The following EFR3B variants were observed in gnomAD, a reference collection of about 807,000 sequenced individuals.
The protein encoded by EFR3B is protein EFR3 homolog B.
In EFR3B, 64 loss-of-function variants were observed where a neutral mutation model predicts 104.7. The ratio of observed to expected loss-of-function variants is 0.61; its 90% confidence interval spans 0.50 to 0.75. The LOEUF is 0.75. EFR3B is among the 30% of genes least tolerant of loss of function. The pLI is 0.00. For missense variants in EFR3B, 750 were observed against 1,078.5 expected, an observed-to-expected ratio of 0.70 and a Z score of 4.27; for synonymous variants, 385 against 417.9, an observed-to-expected ratio of 0.92 and a Z score of 0.96.
At chr2:25,141,157 C>T (rs1670655947) in intron 16 of EFR3B, among the ~76,000 whole-genome samples, 2 of 152,090 alleles carry the variant, frequency 1.3e-5, no homozygotes, top group South Asian at 4.1e-4. Context: ...CATTGATGGC[C>T]ATGGCCTGAG....
intron 1 of EFR3B, among the ~76,000 whole-genome samples, chr2:25,078,567 C>A (rs1404584322): frequency 6.6e-6 from 1 of 152,150 alleles, no homozygotes; most frequent in Admixed American, 6.5e-5. Context: ...CAGGTGAAGT[C>A]ACACATCACG....
rs959693239 is a variant in EFR3B at position 25,154,613 on chromosome 2, GT to G, written c.*274del. On this transcript the variant is annotated 3_prime_UTR_variant, in exon 23 of 23. Coordinates refer to ENST00000403714, the MANE Select transcript of EFR3B (RefSeq NM_014971.2). This position sits in a 1 kb window ranked among gnomAD's most constrained non-coding sequence, Gnocchi z 4.1. ...TCAGCCAGGGGCAGAGAATCATGGG[GT>G]GTCTCTCAGGAGAAGCCGGGGGGAG... is the stretch of plus-strand genomic sequence containing the variant. 243 of 415,792 alleles carry G rather than the reference GT, an allele frequency of 5.8e-4. No individual in the cohort carries two copies. Among genetic ancestry groups the G allele is most frequent in the Middle Eastern group, 1.9e-3 (3 of 1,556 alleles). 25.8% of individuals were successfully genotyped at this position (415,792 alleles called of 1,614,324 possible). A position where few individuals can be genotyped will look rare whatever the true frequency, so the allele number is the denominator to read the frequency against.
intron 1 of EFR3B, chr2:25,080,107 A>G (rs1668750630): frequency 1.0e-6 from 1 of 988,632 alleles, no homozygotes; most frequent in Non-Finnish European, 1.6e-6. Flanking sequence ...CACATCTTTT[A>G]CTGCCGTGAC....
chr2:25,093,868 G>A lies in EFR3B; in HGVS notation c.212+738G>A, dbSNP rs79347641. Among the ~76,000 whole-genome samples, 936 of 152,246 alleles carry A rather than the reference G, an allele frequency of 6.1e-3. 7 individuals are homozygous for A. Among genetic ancestry groups the A allele is most frequent in the African/African-American group, 0.022 (902 of 41,532 alleles). On this transcript the variant is annotated intron_variant, in intron 3 of 22. Transcript: ENST00000403714. ...ATTTGTCCATTAAAAATACACTTAG[G>A]TGAAATATTTATCAATCTTCTGAAA...
intron 1 of EFR3B, 57 bp from the exon 2 acceptor site, chr2:25,091,268 C>G: frequency 2.6e-6 from 4 of 1,523,272 alleles, no homozygotes; most frequent in Non-Finnish European, 3.6e-6. Flanking sequence ...CTGGCTCCAA[C>G]CTTTCCTGGG....
Position 25,157,187 on chromosome 2 carries a change from C to G in EFR3B, c.*2847C>G, listed in dbSNP as rs1390072604. The stretch of plus-strand genomic sequence containing the variant: ...ATCACTGCCGCTTAGCAAAAATGTG[C>G]TTCTTTTGAAGAACTGGTCATTTTT... On this transcript the variant is annotated 3_prime_UTR_variant, in exon 23 of 23. Coordinates refer to ENST00000403714, the MANE Select transcript of EFR3B (RefSeq NM_014971.2). The G allele has an allele frequency of 1.3e-5, 2 of 152,226 alleles. No individual in the cohort carries two copies. The highest frequency in any genetic ancestry group is 2.9e-5 in the Non-Finnish European group (2 of 68,042). The allele number at this position is 152,226 out of a possible 1,614,324, so 9.4% of individuals were successfully genotyped here.
At chr2:25,152,696 G>A (rs1399429148) in intron 21 of EFR3B, among the ~76,000 whole-genome samples, 1 of 152,106 alleles carries the variant, frequency 6.6e-6, no homozygotes, top group East Asian at 1.9e-4. Context: ...TATTAGCCCC[G>A]AATGTCAAGC....
chr2:25,083,358 T>G (rs1369477563), intron 1 of EFR3B, among the ~76,000 whole-genome samples: 1 of 152,194 alleles, frequency 6.6e-6, no homozygotes, highest in Non-Finnish European at 1.5e-5. Context: ...TGAGTTAAAC[T>G]CCACAATTTG....
At chr2:25,103,400 G>A (rs1386097235) in intron 3 of EFR3B, among the ~76,000 whole-genome samples, 1 of 152,226 alleles carries the variant, frequency 6.6e-6, no homozygotes, top group Non-Finnish European at 1.5e-5. Flanking sequence ...ATCTGTAAAA[G>A]GAGGGGCTGG....
Position 25,121,546 on chromosome 2 carries a change from C to T in EFR3B, c.364-127C>T, listed in dbSNP as rs561190506. ...ATCTCCCCAGTGTGCTCTGCAAGGCCGGCCAAGCTGGCTCCAGGATGCGTG... is the reference window on the plus strand; with the variant it reads ...ATCTCCCCAGTGTGCTCTGCAAGGCTGGCCAAGCTGGCTCCAGGATGCGTG... On this transcript the variant is annotated intron_variant, in intron 4 of 22. Coordinates refer to ENST00000403714, the MANE Select transcript of EFR3B (RefSeq NM_014971.2). The T allele has an allele frequency of 4.1e-4, 491 of 1,207,928 alleles. 3 individuals are homozygous for T. The South Asian group carries it at 6.5e-3, about 16-fold the overall frequency. 74.8% of individuals were successfully genotyped at this position (1,207,928 alleles called of 1,614,324 possible). A position where few individuals can be genotyped will look rare whatever the true frequency, so the allele number is the denominator to read the frequency against.
chr2:25,049,590 C>T (rs1469917144), intron 1 of EFR3B, among the ~76,000 whole-genome samples: 2 of 152,196 alleles, frequency 1.3e-5, no homozygotes, highest in Non-Finnish European at 2.9e-5. Context: ...GTTCAACCAG[C>T]AGTATCTTGA....
At chr2:25,091,948 G>A (rs1573196369) in intron 2 of EFR3B, among the ~76,000 whole-genome samples, 1 of 152,220 alleles carries the variant, frequency 6.6e-6, no homozygotes, top group East Asian at 1.9e-4. Context: ...TACTTGACTT[G>A]CTCTCTGGGA....
chr2:25,138,988 CG>C (rs1670590410), intron 15 of EFR3B, 70 bp from the exon 16 acceptor site: 1 of 1,530,848 alleles, frequency 6.5e-7, no homozygotes, highest in African/African-American at 1.4e-5. Context: ...GGGAAGAGGT[CG>C]GGTGGAGCGT....
rs1211380686 is a variant in EFR3B at position 25,136,327 on chromosome 2, GA to G, written c.1485-190del. Among the ~76,000 whole-genome samples, 1 of 151,954 alleles carries G rather than the reference GA, an allele frequency of 6.6e-6. No homozygotes were observed. The highest frequency in any genetic ancestry group is 2.4e-5 in the African/African-American group (1 of 41,386). The stretch of plus-strand genomic sequence containing the variant: ...CAGAATAAGACCCTGTCTCAAAAAG[GA>G]AAAAAGAGAGAGAGATAAAGGGACA... On this transcript the variant is annotated intron_variant, in intron 13 of 22. Transcript: ENST00000403714. This position sits in a 1 kb window ranked among gnomAD's most constrained non-coding sequence, Gnocchi z 4.0.
At chr2:25,125,745 G>A (rs371274451) in intron 5 of EFR3B, among the ~76,000 whole-genome samples, 38 of 152,124 alleles carry the variant, frequency 2.5e-4, no homozygotes, top group East Asian at 1.2e-3. Context: ...TCAGCAGATC[G>A]AGACCATCCT....
intron 1 of EFR3B, among the ~76,000 whole-genome samples, chr2:25,090,220 G>A (rs1669073894): frequency 6.6e-6 from 1 of 152,228 alleles, no homozygotes; most frequent in South Asian, 2.1e-4. Flanking sequence ...GGGCGGGAGG[G>A]AGGAGGTGGA....
chr2:25,051,827 A>G (rs934845659), intron 1 of EFR3B, among the ~76,000 whole-genome samples: 1 of 149,478 alleles, frequency 6.7e-6, no homozygotes, highest in Non-Finnish European at 1.5e-5. Context: ...TTTAGTGAAG[A>G]CAGGGTTTCA....
chr2:25,073,918 A>G (rs1489402195), intron 1 of EFR3B, among the ~76,000 whole-genome samples: 1 of 152,066 alleles, frequency 6.6e-6, no homozygotes, highest in Admixed American at 6.6e-5. Context: ...CTTTTGCAAC[A>G]CATAAAACTT....
chr2:25,042,431 C>G lies in EFR3B; in HGVS notation c.7+112C>G. On this transcript the variant is annotated intron_variant, in intron 1 of 22. Coordinates refer to ENST00000403714, the MANE Select transcript of EFR3B (RefSeq NM_014971.2). The surrounding 1 kb of genome is among the most constrained non-coding windows in gnomAD (Gnocchi z 5.4). ...CCTGGCGCGGGGCCAGGCCGCTGAC[C>G]TGGTGCCCGGCGGGGCTGTTGCGGT... 3 of 1,216,572 alleles carry G rather than the reference C, an allele frequency of 2.5e-6. No individual in the cohort carries two copies. Among genetic ancestry groups the G allele is most frequent in the Non-Finnish European group, 3.1e-6 (3 of 978,080 alleles). The allele number at this position is 1,216,572 out of a possible 1,614,324, so 75.4% of individuals were successfully genotyped here.
Sources: gnomAD v4.1 joint callset for allele counts (sites outside exome capture counted in the v4.1 genomes callset) on GRCh38, gnomAD v4.1.1 for gene constraint, Gnocchi (gnomAD v3.1) non-coding constraint, MANE v1.5 for transcripts, NCBI Gene and HGNC (gene_info 2026-07-23, HGNC 2026-07-21) for gene names.